TXNDC11: variants seen among roughly 807,000 people sequenced by gnomAD.
TXNDC11 encodes thioredoxin domain-containing protein 11.
TXNDC11 carries 68 observed loss-of-function variants against 78.0 expected under a neutral mutation model. That is an observed-to-expected ratio of 0.87 (90% CI 0.72 to 1.07). The LOEUF (loss-of-function observed/expected upper bound fraction) is 1.07. Ranked by LOEUF, TXNDC11 falls within the 50% of genes least tolerant of loss-of-function variation. The probability of loss-of-function intolerance (pLI) is 0.00; values close to 1 mark genes in which losing one functional copy is unlikely to be tolerated. For synonymous variants in TXNDC11, 571 were observed against 495.2 expected, an observed-to-expected ratio of 1.15 and a Z score of -2.03; for missense variants, 1,389 against 1,221.8, an observed-to-expected ratio of 1.14 and a Z score of -2.04.
chr16:11,687,452 T>C (rs2050596010), intron 10 of TXNDC11, among the ~76,000 whole-genome samples: 1 of 152,218 alleles, frequency 6.6e-6, no homozygotes, highest in Non-Finnish European at 1.5e-5. Flanking sequence ...GGATATCTAT[T>C]GGTCTTTCCT....
At chr16:11,688,505 TACTTTTA>T in intron 8 of TXNDC11, 60 bp from the exon 9 acceptor site, 2 of 1,380,072 alleles carry the variant, frequency 1.4e-6, no homozygotes, top group Non-Finnish European at 2.0e-6. Context: ...ATAGCTGGCC[TACTTTTA>T]AACTCCACAT....
At chr16:11,680,955 C>T (rs1192276695) in intron 11 of TXNDC11, among the ~76,000 whole-genome samples, 1 of 152,068 alleles carries the variant, frequency 6.6e-6, no homozygotes, top group African/African-American at 2.4e-5. Flanking sequence ...TCGCTTGAGG[C>T]CAGGAGTTTG....
At chr16:11,688,547 G>A in intron 8 of TXNDC11, 102 bp from the exon 9 acceptor site, 4 of 1,004,686 alleles carry the variant, frequency 4.0e-6, no homozygotes, top group South Asian at 1.8e-5. Flanking sequence ...TGACTTCATA[G>A]GCTCACATTT....
Position 11,742,435 on chromosome 16 carries a change from G to A in TXNDC11, c.254+42C>T, listed in dbSNP as rs985057674. On this transcript the variant is annotated intron_variant, in intron 1 of 11. Coordinates refer to ENST00000283033, the MANE Select transcript of TXNDC11 (RefSeq NM_015914.7). ...CTGCAGGCTCCAGGCGGCAGAGCAA[G>A]GGGAGCGCCCTAGCGGGGCCCCAGG... 13 of 1,356,840 alleles carry A rather than the reference G, an allele frequency of 9.6e-6. No individual in the cohort carries two copies. In the African/African-American group the frequency reaches 1.5e-4, roughly 16 times the overall value. The allele number at this position is 1,356,840 out of a possible 1,614,324, so 84.1% of individuals were successfully genotyped here. A position where few individuals can be genotyped will look rare whatever the true frequency, so the allele number is the denominator to read the frequency against.
Position 11,742,837 on chromosome 16 carries a change from C to T in TXNDC11, c.-107G>A, listed in dbSNP as rs1297306823. The T allele has an allele frequency of 5.9e-6, 8 of 1,351,922 alleles. No homozygotes were observed. Among genetic ancestry groups the T allele is most frequent in the Non-Finnish European group, 7.6e-6 (8 of 1,056,624 alleles). 83.7% of individuals were successfully genotyped at this position (1,351,922 alleles called of 1,614,324 possible). A position where few individuals can be genotyped will look rare whatever the true frequency, so the allele number is the denominator to read the frequency against. On this transcript the variant is annotated 5_prime_UTR_variant, in exon 1 of 12. Coordinates refer to ENST00000283033, the MANE Select transcript of TXNDC11 (RefSeq NM_015914.7). ...CCGCAGCTCGCCGCACCCGCTAACC[C>T]GGACGCTCCACGTCAGCCGCGCCGC...
In TXNDC11 at chr16:11,679,740, G is replaced by T. The variant is rs764995518; in HGVS notation, c.2332C>A (p.Gln778Lys). ...TTGGTAGGAGAGTTAGCCACATTCT[G>T]GGGGCTGGAAGCAGGGTCTGAGTGA... is the stretch of plus-strand genomic sequence containing the variant. ...LHHSDPASSP[Q>K]NVANSPTKEC... The change falls in exon 12 of 12, where the codon CAG becomes AAG. Residue 778 changes from glutamine to lysine, a missense_variant. Physicochemically the swap from Gln to Lys is moderately conservative, Grantham distance 53. Coordinates refer to ENST00000283033, the MANE Select transcript of TXNDC11 (RefSeq NM_015914.7). The surrounding 1 kb of genome is among the most constrained non-coding windows in gnomAD (Gnocchi z 4.6). The T allele has an allele frequency of 6.6e-5, 106 of 1,614,038 alleles. No homozygotes were observed. The highest frequency in any genetic ancestry group is 1.6e-4 in the Middle Eastern group (1 of 6,084).
At chr16:11,721,811 T>C (rs1049106853) in intron 4 of TXNDC11, 141 bp from the exon 5 acceptor site, 12 of 509,602 alleles carry the variant, frequency 2.4e-5, no homozygotes, top group African/African-American at 1.6e-4. Context: ...CCTAAGCACA[T>C]GATAAAAATT....
chr16:11,721,452 TAAATAA>T (rs2051704096), intron 5 of TXNDC11, 119 bp downstream of exon 5: 2 of 552,046 alleles, frequency 3.6e-6, no homozygotes, highest in Non-Finnish European at 6.3e-6. Context: ...AAAAATAAAA[TAAATAA>T]AAATACGTTG....
chr16:11,710,529 C>A (rs8045673), intron 5 of TXNDC11, among the ~76,000 whole-genome samples: 67,149 of 152,030 alleles, frequency 0.44, 15,269 homozygotes, highest in Middle Eastern at 0.57. Flanking sequence ...GGCCGCTGGG[C>A]CATGATTATA....
At chr16:11,692,497 CCTTT>C (rs1468904035) in intron 7 of TXNDC11, among the ~76,000 whole-genome samples, 1 of 151,932 alleles carries the variant, frequency 6.6e-6, no homozygotes, top group Non-Finnish European at 1.5e-5. Flanking sequence ...AAAAATGCTT[CCTTT>C]AAGTGAAACG....
intron 5 of TXNDC11, among the ~76,000 whole-genome samples, chr16:11,713,819 GAGTATA>G (rs1028866231): frequency 6.6e-6 from 1 of 152,078 alleles, no homozygotes; most frequent in African/African-American, 2.4e-5. Context: ...CCCCATGAGT[GAGTATA>G]GTGACAACAA....
At chr16:11,710,628 C>T (rs2051322961) in intron 5 of TXNDC11, among the ~76,000 whole-genome samples, 1 of 152,120 alleles carries the variant, frequency 6.6e-6, no homozygotes, top group Non-Finnish European at 1.5e-5. Context: ...GGTGGGTGGA[C>T]TGCTTGAGCC....
chr16:11,709,720 C>A (rs1295061847), intron 5 of TXNDC11, among the ~76,000 whole-genome samples: 1 of 151,904 alleles, frequency 6.6e-6, no homozygotes, highest in African/African-American at 2.4e-5. Context: ...CAGGCGTGAG[C>A]CACCGCGCCT....
intron 1 of TXNDC11, 55 bp from the exon 2 acceptor site, chr16:11,736,288 G>A: frequency 7.3e-7 from 1 of 1,378,486 alleles, no homozygotes; most frequent in Non-Finnish European, 1.0e-6. Context: ...TCTAAAAATA[G>A]CTCTGTGGAA....
At chr16:11,713,791 T>C (rs913181569) in intron 5 of TXNDC11, among the ~76,000 whole-genome samples, 8 of 151,882 alleles carry the variant, frequency 5.3e-5, no homozygotes, top group African/African-American at 1.5e-4. Context: ...TGCAGGCAGA[T>C]AGTTAGAAAA....
At chr16:11,703,770 A>G (rs2051101218) in intron 5 of TXNDC11, 2 of 700,342 alleles carry the variant, frequency 2.9e-6, no homozygotes, top group Admixed American at 2.0e-5. Flanking sequence ...AGAAAGTACA[A>G]GATAAGCCTG....
At chr16:11,706,912 A>C (rs4497712) in intron 5 of TXNDC11, among the ~76,000 whole-genome samples, 10,501 of 152,110 alleles carry the variant, frequency 0.069, 487 homozygotes, top group South Asian at 0.18. Flanking sequence ...TATTTTTTTT[A>C]ACGAAACACA....
At chr16:11,732,431 A>G (rs2052083888) in intron 3 of TXNDC11, among the ~76,000 whole-genome samples, 1 of 152,208 alleles carries the variant, frequency 6.6e-6, no homozygotes, top group South Asian at 2.1e-4. Context: ...CCCGTTACAG[A>G]GCACAGAGTT....
chr16:11,734,246 AAAAGAAAGAC>A (rs1263095470), intron 2 of TXNDC11, among the ~76,000 whole-genome samples, 167 bp from the exon 3 acceptor site: 1 of 152,232 alleles, frequency 6.6e-6, no homozygotes, highest in African/African-American at 2.4e-5. Flanking sequence ...ACTAAAACAA[AAAAGAAAGAC>A]ATACTCTTAT....
Sources: allele counts gnomAD v4.1 joint callset (sites outside exome capture counted in the v4.1 genomes callset), GRCh38; gene constraint gnomAD v4.1.1; non-coding constraint Gnocchi (gnomAD v3.1); transcripts MANE v1.5; gene names NCBI Gene and HGNC (gene_info 2026-07-23, HGNC 2026-07-21).